The following ZNF267 variants were observed in gnomAD, a reference collection of about 807,000 sequenced individuals.
The protein encoded by ZNF267 is zinc finger (C2H2).
In ZNF267, 61 loss-of-function variants were observed where a neutral mutation model predicts 71.6. The observed-to-expected ratio is 0.85, with a 90% CI of 0.69 to 1.05. The LOEUF is 1.05. Ranked by LOEUF, ZNF267 falls within the 50% of genes least tolerant of loss-of-function variation. ZNF267 has a pLI of 0.00. For synonymous variants in ZNF267, 288 were observed against 293.2 expected (o/e 0.98, Z 0.18); for missense variants, 852 against 870.0 (o/e 0.98, Z 0.26).
intron 3 of ZNF267, chr16:31,912,123 T>G (rs2084140359): frequency 6.6e-6 from 1 of 151,710 alleles, no homozygotes; most frequent in Admixed American, 6.6e-5. Context: ...AGTTTTTCTC[T>G]GTGCTATTAC....
intron 3 of ZNF267, among the ~76,000 whole-genome samples, chr16:31,886,084 G>A (rs1041454062): frequency 7.9e-5 from 12 of 151,940 alleles, no homozygotes; most frequent in African/African-American, 2.9e-4. Flanking sequence ...GTGTCCTTTA[G>A]TTCCTTTTTT....
In ZNF267 at chr16:31,914,906, T is replaced by G. The variant is rs1469858931; in HGVS notation, c.657T>G (p.Asn219Lys). 1 of 1,612,336 alleles carries G rather than the reference T, an allele frequency of 6.2e-7. No individual in the cohort carries two copies. Among genetic ancestry groups the G allele is most frequent in the South Asian group, 1.1e-5 (1 of 90,396 alleles). Reference sequence around the variant, plus strand: ...TTGGAGAGAAAAATTATCATTGCAATAATTCTGAAAAAACCTTGAACCAAA... The same window carrying G: ...TTGGAGAGAAAAATTATCATTGCAAGAATTCTGAAAAAACCTTGAACCAAA... ...VFIGEKNYHC[N>K]NSEKTLNQSS... The change falls in exon 4 of 4, where the codon AAT becomes AAG. Residue 219 changes from asparagine (N) to lysine (K), a missense_variant. Transcript: ENST00000300870.
chr16:31,875,826 A>C (rs1380448667), intron 1 of ZNF267, among the ~76,000 whole-genome samples: 1 of 152,202 alleles, frequency 6.6e-6, no homozygotes, highest in African/African-American at 2.4e-5. Flanking sequence ...TCATCAGTAG[A>C]GCTTGAAAGA....
At chr16:31,875,050 CA>C (rs964410332) in intron 1 of ZNF267, 30 of 1,159,590 alleles carry the variant, frequency 2.6e-5, no homozygotes, top group Non-Finnish European at 3.3e-5. Context: ...CACTCCACTG[CA>C]AAAAAAACTG....
intron 3 of ZNF267, among the ~76,000 whole-genome samples, chr16:31,910,054 A>C (rs1342626649): frequency 1.3e-5 from 2 of 152,186 alleles, no homozygotes; most frequent in African/African-American, 4.8e-5. Context: ...CTGTTGATGT[A>C]TCATACTGAT....
chr16:31,880,965 G>T (rs2083885688), intron 1 of ZNF267, among the ~76,000 whole-genome samples: 1 of 152,196 alleles, frequency 6.6e-6, no homozygotes, highest in Non-Finnish European at 1.5e-5. Flanking sequence ...GAATGGAGGT[G>T]TACAGGGAAC....
At chr16:31,906,737 G>A (rs939867252) in intron 3 of ZNF267, among the ~76,000 whole-genome samples, 3 of 152,048 alleles carry the variant, frequency 2.0e-5, no homozygotes, top group African/African-American at 7.2e-5. Flanking sequence ...AGGTGAGGCA[G>A]TGCCTCACCC....
chr16:31,889,036 T>C (rs2083942366), intron 3 of ZNF267, among the ~76,000 whole-genome samples: 1 of 152,046 alleles, frequency 6.6e-6, no homozygotes, highest in African/African-American at 2.4e-5. Context: ...GTGTTCTTTC[T>C]AAGAATCAAT....
At chr16:31,894,674 C>T in intron 3 of ZNF267, 1 of 481,680 alleles carries the variant, frequency 2.1e-6, no homozygotes, top group South Asian at 1.6e-5. Context: ...TTCTTCATCA[C>T]TGTCATCCTG....
chr16:31,914,000 C>T (rs74567439), intron 3 of ZNF267: 2,790 of 154,022 alleles, frequency 0.018, 95 homozygotes, highest in African/African-American at 0.064. Flanking sequence ...ATACCCACCA[C>T]AGTGGGAAAT....
intron 3 of ZNF267, among the ~76,000 whole-genome samples, chr16:31,889,151 T>C (rs2083943093): frequency 7.9e-6 from 1 of 127,312 alleles, no homozygotes; most frequent in African/African-American, 2.7e-5. Context: ...ATTAATAGCT[T>C]TTTGAGTCCT....
chr16:31,907,212 T>C (rs2084098375), intron 3 of ZNF267, among the ~76,000 whole-genome samples: 1 of 152,212 alleles, frequency 6.6e-6, no homozygotes, highest in Non-Finnish European at 1.5e-5. Context: ...GGTTGAACTT[T>C]AAATTTTAGG....
chr16:31,912,638 C>T (rs770307351), intron 3 of ZNF267: 1 of 151,656 alleles, frequency 6.6e-6, no homozygotes, highest in African/African-American at 2.4e-5. Flanking sequence ...GTCTCTTTCT[C>T]TCTTTAAGGC....
chr16:31,911,646 T>C (rs921993141), intron 3 of ZNF267, among the ~76,000 whole-genome samples: 2 of 151,490 alleles, frequency 1.3e-5, no homozygotes, highest in African/African-American at 4.9e-5. Flanking sequence ...TTGGAGTGTT[T>C]AGTGCATTTC....
At chr16:31,886,358 A>AGGAGGTGTGACCAT (rs1260381940) in intron 3 of ZNF267, among the ~76,000 whole-genome samples, 3 of 152,234 alleles carry the variant, frequency 2.0e-5, no homozygotes, top group Non-Finnish European at 2.9e-5. Context: ...ATCACACAGC[A>AGGAGGTGTGACCAT]GGAGGTGTGA....
chr16:31,887,763 A>G (rs1032004914), intron 3 of ZNF267, among the ~76,000 whole-genome samples: 4 of 152,116 alleles, frequency 2.6e-5, no homozygotes, highest in African/African-American at 9.7e-5. Context: ...CGTCAGTACC[A>G]TACTCTTGAT....
rs756797627 is a variant in ZNF267, at chr16:31,915,348, C to T, written c.1099C>T (p.Leu367Phe). The T allele has an allele frequency of 6.2e-7, 1 of 1,613,350 alleles. No individual in the cohort carries two copies. Among genetic ancestry groups the T allele is most frequent in the Admixed American group, 1.7e-5 (1 of 59,948 alleles). ...CTTTAACCTTAACTGTAGTTTATAC[C>T]TTACTAAACAGCAGCAAATTGATAC... is the stretch of plus-strand genomic sequence containing the variant. ...KVFNLNCSLYLTKQQQIDTGE... is the reference protein window; with the variant it reads ...KVFNLNCSLYFTKQQQIDTGE... The change falls in exon 4 of 4, where the codon CTT (leucine) becomes TTT (phenylalanine). Residue 367 changes from leucine (L) to phenylalanine (F), a missense_variant. By Grantham distance (22) the Leu-to-Phe change is conservative. Coordinates refer to ENST00000300870, the MANE Select transcript of ZNF267 (RefSeq NM_003414.6).
At position 31,916,061 on chromosome 16, in the gene ZNF267, T is replaced by A. The variant is rs1338659126; in HGVS notation, c.1812T>A (p.Tyr604Ter). The part of the protein sequence containing the change: ...HRRTHTGEKP[Y>*]TCKECGKAFS... ...GAACTCATACTGGAGAGAAACCCTA[T>A]ACATGTAAAGAATGTGGCAAAGCCT... The change falls in exon 4 of 4, where the codon TAT becomes TAA. Residue 604 changes from tyrosine to a stop codon, truncating the protein, a stop_gained. Transcript: ENST00000300870. LOFTEE classifies it high-confidence loss of function. The A allele has an allele frequency of 6.2e-7, 1 of 1,614,082 alleles. No homozygotes were observed. Among genetic ancestry groups the A allele is most frequent in the Non-Finnish European group, 8.5e-7 (1 of 1,179,988 alleles).
chr16:31,904,140 T>C (rs975300016), intron 3 of ZNF267, among the ~76,000 whole-genome samples: 5 of 152,268 alleles, frequency 3.3e-5, no homozygotes, highest in Non-Finnish European at 7.3e-5. Flanking sequence ...GATTGCACTG[T>C]GGTGTGAGAG....
Sources: allele counts gnomAD v4.1 joint callset (sites outside exome capture counted in the v4.1 genomes callset), GRCh38; gene constraint gnomAD v4.1.1; transcripts MANE v1.5; gene names NCBI Gene and HGNC (gene_info 2026-07-23, HGNC 2026-07-21).